The following SPINK8 variants were observed in gnomAD, a reference collection of about 807,000 sequenced individuals.
The protein encoded by SPINK8 is serine peptidase inhibitor Kazal type 8 (putative), also known as serine protease inhibitor Kazal-type 8.
SPINK8 carries 12 observed loss-of-function variants against 14.4 expected under a neutral mutation model. That is an observed-to-expected ratio of 0.83 (90% CI 0.53 to 1.35). The LOEUF (loss-of-function observed/expected upper bound fraction) is 1.35. Among genes scored for constraint, SPINK8 ranks in the 40% most tolerant of loss-of-function variants. SPINK8 has a pLI of 0.00. For missense variants in SPINK8, 103 were observed against 117.0 expected (o/e 0.88, Z 0.55); for synonymous variants, 32 against 37.6 (o/e 0.85, Z 0.55).
At chr3:48,307,958 A>ATT (rs1244905576) in intron 7 of SPINK8, among the ~76,000 whole-genome samples, 1 of 106,728 alleles carries the variant, frequency 9.4e-6, no homozygotes, top group Non-Finnish European at 1.9e-5. Flanking sequence ...TTCAGTCTGC[A>ATT]TTCTTTTTTT....
chr3:48,323,301 C>T (rs1039267958), intron 4 of SPINK8, among the ~76,000 whole-genome samples: 2 of 152,060 alleles, frequency 1.3e-5, no homozygotes, highest in Non-Finnish European at 2.9e-5. Flanking sequence ...TGCACCACCA[C>T]ACCCAGCTAA....
chr3:48,307,532 C>CT (rs2035865602), intron 7 of SPINK8, among the ~76,000 whole-genome samples: 2 of 119,132 alleles, frequency 1.7e-5, no homozygotes, highest in African/African-American at 6.9e-5. Flanking sequence ...CCCTCCCTAT[C>CT]TGCCCCCCAC....
At chr3:48,326,012 A>T (rs1185774640) in intron 4 of SPINK8, among the ~76,000 whole-genome samples, 2 of 150,924 alleles carry the variant, frequency 1.3e-5, no homozygotes, top group African/African-American at 4.9e-5. Context: ...ATGGAGCCTC[A>T]GTCTCACAAG....
chr3:48,309,433 G>T (rs2035893551), intron 7 of SPINK8, among the ~76,000 whole-genome samples: 2 of 152,228 alleles, frequency 1.3e-5, no homozygotes, highest in Admixed American at 6.5e-5. Flanking sequence ...AAATGACAGG[G>T]AAGAGCAAGG....
In SPINK8 at chr3:48,319,482, A is replaced by C; in HGVS notation, c.239+15T>G. On this transcript the variant is annotated intron_variant, in intron 6 of 7. Transcript: ENST00000434006. ...TCTTGACTTGAAAGAAAGGGAGAAC[A>C]AAATTAGGACTTACAGAATTTTGGA... 6.2e-7 allele frequency: 1 copy of C among 1,613,892 alleles called. No homozygotes were observed.
In SPINK8 at chr3:48,332,444, G is replaced by T. The variant is rs554911838; in HGVS notation, c.-214C>A. On this transcript the variant is annotated 5_prime_UTR_variant, in exon 2 of 8. It adds an upstream start codon to the 5' untranslated region. Coordinates refer to ENST00000434006, the MANE Select transcript of SPINK8 (RefSeq NM_001080525.3). ...CTCAATGCCTCCCTTAGTCTCTCCA[G>T]AAAGGCAGTAGGATTTTCTTCCTTT... Among the ~76,000 whole-genome samples, 36 of 152,298 alleles carry T rather than the reference G, an allele frequency of 2.4e-4. No homozygotes were observed. Among genetic ancestry groups the T allele is most frequent in the African/African-American group, 8.2e-4 (34 of 41,554 alleles).
chr3:48,313,426 A>G (rs1311490959), intron 6 of SPINK8, among the ~76,000 whole-genome samples: 3 of 152,214 alleles, frequency 2.0e-5, no homozygotes, highest in Non-Finnish European at 4.4e-5. Context: ...TTGATGAGAT[A>G]CCATTTTCAC....
chr3:48,331,156 C>T (rs13060020), intron 2 of SPINK8, among the ~76,000 whole-genome samples: 32,758 of 152,004 alleles, frequency 0.22, 4,355 homozygotes, highest in South Asian at 0.3. Context: ...AAATGTATGG[C>T]CTGAAGTTCA....
chr3:48,315,615 G>C (rs1203205435), intron 6 of SPINK8, among the ~76,000 whole-genome samples: 1 of 150,792 alleles, frequency 6.6e-6, no homozygotes, highest in Admixed American at 6.7e-5. Flanking sequence ...CAGCTACTTG[G>C]GAGGCTGAGA....
In SPINK8 at chr3:48,328,304, G is replaced by A. The variant is rs1467648119; in HGVS notation, c.38C>T (p.Ala13Val). 2 of 1,611,560 alleles carry A rather than the reference G, an allele frequency of 1.2e-6. No individual in the cohort carries two copies. The highest frequency in any genetic ancestry group is 1.1e-5 in the South Asian group (1 of 90,152). ...GICSDAILVL[A>V]TSMWMAFAID... ...TGCAAAGGCCATCCACATGGAGGTA[G>A]CTAGAACAAGGATGGCGTCTGAGCA... The change falls in exon 4 of 8, where the codon GCT (alanine) becomes GTT (valine). Residue 13 changes from alanine to valine, a missense_variant. Transcript: ENST00000434006.
chr3:48,321,198 G>T, intron 4 of SPINK8, 124 bp from the exon 5 acceptor site: 1 of 855,214 alleles, frequency 1.2e-6, no homozygotes, highest in South Asian at 2.0e-5. Flanking sequence ...AAGAGGCTGG[G>T]CTCCTCTTTG....
intron 4 of SPINK8, among the ~76,000 whole-genome samples, chr3:48,323,931 C>CTTT (rs34730457): frequency 7.2e-6 from 1 of 139,162 alleles, no homozygotes; most frequent in Non-Finnish European, 1.6e-5. Flanking sequence ...AGTACTTCAA[C>CTTT]TTTTTTTTTT....
intron 4 of SPINK8, among the ~76,000 whole-genome samples, chr3:48,324,109 C>T (rs907213888): frequency 6.6e-6 from 1 of 152,032 alleles, no homozygotes; most frequent in African/African-American, 2.4e-5. Flanking sequence ...TTAAGTCTTC[C>T]AATCCATGAA....
intron 2 of SPINK8, among the ~76,000 whole-genome samples, chr3:48,330,122 C>T (rs2036231103): frequency 6.6e-6 from 1 of 152,162 alleles, no homozygotes; most frequent in Non-Finnish European, 1.5e-5. Flanking sequence ...TCTGATCAAC[C>T]ACAGTGTCTA....
chr3:48,328,941 C>G (rs1560019896), intron 3 of SPINK8, among the ~76,000 whole-genome samples: 1 of 152,118 alleles, frequency 6.6e-6, no homozygotes, highest in African/African-American at 2.4e-5. Context: ...GTATATTTAC[C>G]AACAGCTTAC....
intron 7 of SPINK8, among the ~76,000 whole-genome samples, chr3:48,308,878 T>G (rs1560013502): frequency 6.6e-6 from 1 of 152,186 alleles, no homozygotes; most frequent in Non-Finnish European, 1.5e-5. Context: ...TGAGGTACGG[T>G]CCAGATATAA....
Position 48,319,529 on chromosome 3 carries a change from G to T in SPINK8, c.207C>A (p.Tyr69Ter). The change falls in exon 6 of 8, where the codon TAC (tyrosine) becomes TAA (stop). Residue 69 changes from tyrosine to a stop codon, truncating the protein, a stop_gained. Coordinates refer to ENST00000434006, the MANE Select transcript of SPINK8 (RefSeq NM_001080525.3). LOFTEE classifies it high-confidence loss of function. ...EPICGSDQVT[Y>*]SSDCHLCSKI... is the part of the protein sequence containing the mutation. ...TGGAGCACAGATGGCAGTCACTACTGTAGGTAACCTGGTCACTGCCACAAA... is the reference window on the plus strand; with the variant it reads ...TGGAGCACAGATGGCAGTCACTACTTTAGGTAACCTGGTCACTGCCACAAA... 1 of 1,613,964 alleles carries T rather than the reference G, an allele frequency of 6.2e-7. No individual in the cohort carries two copies. Among genetic ancestry groups the T allele is most frequent in the Non-Finnish European group, 8.5e-7 (1 of 1,179,858 alleles).
chr3:48,308,339 A>T (rs2035878212), intron 7 of SPINK8, among the ~76,000 whole-genome samples: 1 of 152,166 alleles, frequency 6.6e-6, no homozygotes, highest in African/African-American at 2.4e-5. Context: ...TTATAAAAGC[A>T]ATATTAATTA....
rs66504818 is a variant in SPINK8, at chr3:48,315,720, C to CAAAAAAAAAAAAAAAAAAA, written c.239+3758_239+3776dup. On this transcript the variant is annotated intron_variant, in intron 6 of 7. Transcript: ENST00000434006. ...TGGGTAACAGAGTAAGACTCCATCT[C>CAAAAAAAAAAAAAAAAAAA]AAAAAAAAAAAAAAAAAAAAAAAAG... Among the ~76,000 whole-genome samples the CAAAAAAAAAAAAAAAAAAA allele has an allele frequency of 8.2e-4, 18 of 21,924 alleles. 2 individuals are homozygous for CAAAAAAAAAAAAAAAAAAA. The highest frequency in any genetic ancestry group is 1.3e-3 in the Non-Finnish European group (13 of 10,270). 14.4% of individuals were successfully genotyped at this position (21,924 alleles called of 152,430 possible). A position where few individuals can be genotyped will look rare whatever the true frequency, so the allele number is the denominator to read the frequency against.
Sources: gnomAD v4.1 joint callset for allele counts (sites outside exome capture counted in the v4.1 genomes callset) on GRCh38, gnomAD v4.1.1 for gene constraint, MANE v1.5 for transcripts, NCBI Gene and HGNC (gene_info 2026-07-23, HGNC 2026-07-21) for gene names.